SCAMP1: variants seen among roughly 807,000 people sequenced by gnomAD.
SCAMP1 encodes the protein secretory carrier membrane protein 1.
SCAMP1 carries 15 observed loss-of-function variants against 41.8 expected under a neutral mutation model. The ratio of observed to expected loss-of-function variants is 0.36; its 90% CI spans 0.24 to 0.55. The LOEUF is 0.55. Ranked by LOEUF, SCAMP1 falls within the 20% of genes least tolerant of loss-of-function variation. The pLI, the probability that SCAMP1 is intolerant of heterozygous loss-of-function variation, is 0.86. For missense variants in SCAMP1, 341 were observed against 412.6 expected (o/e 0.83, Z 1.50); for synonymous variants, 135 against 136.8 (o/e 0.99, Z 0.09).
Position 78,462,336 on chromosome 5 carries a change from T to C in SCAMP1, c.852+2974T>C, listed in dbSNP as rs577830428. The stretch of plus-strand genomic sequence containing the variant: ...GTTGATTTTGTATCTTGAAACTTTT[T>C]GTTGGTTTTTTGAGACAGAATCTCA... On this transcript the variant is annotated intron_variant, in intron 8 of 8. Coordinates refer to ENST00000621999, the MANE Select transcript of SCAMP1 (RefSeq NM_004866.6). Among the ~76,000 whole-genome samples the C allele has an allele frequency of 2.0e-5, 3 of 152,244 alleles. No individual in the cohort carries two copies. The South Asian group carries it at 6.2e-4, about 32-fold the overall frequency.
chr5:78,451,036 T>C (rs1753211848), intron 7 of SCAMP1, among the ~76,000 whole-genome samples: 1 of 152,236 alleles, frequency 6.6e-6, no homozygotes, highest in Non-Finnish European at 1.5e-5. Context: ...TAATTAAAAA[T>C]ATACTGCTTA....
intron 6 of SCAMP1, among the ~76,000 whole-genome samples, chr5:78,437,127 T>C (rs1206305355): frequency 6.6e-6 from 1 of 152,148 alleles, no homozygotes; most frequent in African/African-American, 2.4e-5. Flanking sequence ...TGGGCTGAGA[T>C]GATGGGGTTT....
At chr5:78,380,415 T>C (rs1291589944) in intron 1 of SCAMP1, among the ~76,000 whole-genome samples, 5 of 152,230 alleles carry the variant, frequency 3.3e-5, no homozygotes, top group African/African-American at 1.2e-4. Context: ...CCATTAGCAA[T>C]GCATGAGAAT....
chr5:78,401,845 T>C (rs1751806895), intron 2 of SCAMP1, among the ~76,000 whole-genome samples: 1 of 152,184 alleles, frequency 6.6e-6, no homozygotes, highest in East Asian at 1.9e-4. Flanking sequence ...ACTTGTGCTC[T>C]TATTTCTTTC....
rs575874140 is a variant in SCAMP1 at position 78,406,669 on chromosome 5, T to C, written c.136-8851T>C. Among the ~76,000 whole-genome samples, 5 of 152,358 alleles carry C rather than the reference T, an allele frequency of 3.3e-5. No homozygotes were observed. The East Asian group carries it at 9.6e-4, about 29-fold the overall frequency. Reference sequence around the variant, plus strand: ...TCTCTTGAGCCAATATATTTTTCTATAATTTTTATCTGTTTGTCCTAGCCA... The same window carrying C: ...TCTCTTGAGCCAATATATTTTTCTACAATTTTTATCTGTTTGTCCTAGCCA... On this transcript the variant is annotated intron_variant, in intron 2 of 8. Transcript: ENST00000621999.
chr5:78,407,698 T>C (rs1046608315), intron 2 of SCAMP1, among the ~76,000 whole-genome samples: 1 of 152,060 alleles, frequency 6.6e-6, no homozygotes, highest in African/African-American at 2.4e-5. Flanking sequence ...TCTTATAATT[T>C]CTCATATTTA....
At chr5:78,385,874 A>G (rs905211979) in intron 1 of SCAMP1, among the ~76,000 whole-genome samples, 3 of 152,096 alleles carry the variant, frequency 2.0e-5, no homozygotes, top group South Asian at 2.1e-4. Context: ...GATGTGGTCT[A>G]TCTTGGGGAA....
At chr5:78,465,729 CAGAAAG>C (rs1301034993) in intron 8 of SCAMP1, among the ~76,000 whole-genome samples, 3 of 152,156 alleles carry the variant, frequency 2.0e-5, no homozygotes, top group African/African-American at 7.2e-5. Context: ...CTATCAGAAA[CAGAAAG>C]AATGAAAAGG....
chr5:78,366,975 G>C (rs956121401), intron 1 of SCAMP1, among the ~76,000 whole-genome samples: 5 of 151,452 alleles, frequency 3.3e-5, no homozygotes, highest in African/African-American at 1.2e-4. Context: ...AAAATTTTGA[G>C]TTTGGAGATT....
intron 6 of SCAMP1, among the ~76,000 whole-genome samples, chr5:78,444,674 A>G (rs1753011900): frequency 6.6e-6 from 1 of 152,234 alleles, no homozygotes; most frequent in African/African-American, 2.4e-5. Context: ...CATGTTCCAG[A>G]AATTTTCAGT....
chr5:78,461,140 C>T (rs1580715880), intron 8 of SCAMP1, among the ~76,000 whole-genome samples: 1 of 152,114 alleles, frequency 6.6e-6, no homozygotes, highest in East Asian at 1.9e-4. Flanking sequence ...AGCCACCACG[C>T]CCAGCCTGTT....
At chr5:78,400,431 C>A (rs1051256891) in intron 2 of SCAMP1, among the ~76,000 whole-genome samples, 3 of 152,108 alleles carry the variant, frequency 2.0e-5, no homozygotes, top group Non-Finnish European at 4.4e-5. Context: ...ATTGGGATTG[C>A]GTTGAATCTG....
At chr5:78,392,879 C>T (rs955899740) in intron 2 of SCAMP1, among the ~76,000 whole-genome samples, 2 of 152,162 alleles carry the variant, frequency 1.3e-5, no homozygotes, top group African/African-American at 4.8e-5. Context: ...GGTATATTAG[C>T]ATTAGACCTT....
chr5:78,445,961 G>A lies in SCAMP1; in HGVS notation c.633-3972G>A, dbSNP rs191648132. ...TTTTAAAATAATTATTCGTATTAAC[G>A]GTCAGTGTGCAATGAAATGAATTTT... is the stretch of plus-strand genomic sequence containing the variant. On this transcript the variant is annotated intron_variant, in intron 6 of 8. Coordinates refer to ENST00000621999, the MANE Select transcript of SCAMP1 (RefSeq NM_004866.6). 2.0e-5 allele frequency among the ~76,000 whole-genome samples: 3 copies of A among 152,230 alleles called. 1 individual carries two copies. Among genetic ancestry groups the A allele is most frequent in the Admixed American group, 2.0e-4 (3 of 15,292 alleles).
chr5:78,464,201 T>C (rs1240562003), intron 8 of SCAMP1, among the ~76,000 whole-genome samples: 1 of 152,118 alleles, frequency 6.6e-6, no homozygotes, highest in Non-Finnish European at 1.5e-5. Flanking sequence ...TGGAGTGTGA[T>C]GGCGTGATCT....
intron 2 of SCAMP1, among the ~76,000 whole-genome samples, chr5:78,406,253 G>A (rs187785961): frequency 2.0e-5 from 3 of 152,234 alleles, no homozygotes; most frequent in East Asian, 3.9e-4. Context: ...GAATCAATAG[G>A]TTCATAGAAG....
At chr5:78,469,805 G>A (rs1406025679) in intron 8 of SCAMP1, among the ~76,000 whole-genome samples, 6 of 147,714 alleles carry the variant, frequency 4.1e-5, no homozygotes, top group African/African-American at 1.2e-4. Context: ...TTGGGGGGCC[G>A]AGGCAAGAAG....
intron 2 of SCAMP1, among the ~76,000 whole-genome samples, chr5:78,390,797 C>CGGCCT (rs1751470039): frequency 6.7e-6 from 1 of 149,816 alleles, no homozygotes; most frequent in Non-Finnish European, 1.5e-5. Context: ...GAGGACCCTG[C>CGGCCT]GGCCTTCCGC....
rs1446870154 is a variant in SCAMP1, at chr5:78,415,527, C to T, written c.143C>T (p.Pro48Leu). ...NPFSDSRTPP[P>L]GGVKMPNVPN... is the part of the protein sequence containing the mutation. ...TTCTCTTAATCCTCCTAGCCTCCAC[C>T]AGGCGGTGTGAAGATGCCTAATGTA... The change falls in exon 3 of 9, where the codon CCA becomes CTA. Residue 48 changes from proline to leucine, a missense_variant. Transcript: ENST00000621999. 6.3e-7 allele frequency: 1 copy of T among 1,598,802 alleles called. No homozygotes were observed. Among genetic ancestry groups the T allele is most frequent in the Non-Finnish European group, 8.5e-7 (1 of 1,170,848 alleles).
Sources: gnomAD v4.1 joint callset for allele counts (sites outside exome capture counted in the v4.1 genomes callset) on GRCh38, gnomAD v4.1.1 for gene constraint, MANE v1.5 for transcripts, NCBI Gene and HGNC (gene_info 2026-07-23, HGNC 2026-07-21) for gene names.